Variants in SEPTIN9 observed in about 807,000 individuals in gnomAD.
The protein encoded by SEPTIN9 is septin-9.
In SEPTIN9, 13 loss-of-function variants were observed where a neutral mutation model predicts 56.6. The ratio of observed to expected loss-of-function variants is 0.23; its 90% CI spans 0.15 to 0.37. SEPTIN9 has a LOEUF of 0.37. Ranked by LOEUF, SEPTIN9 falls within the 10% of genes least tolerant of loss-of-function variation. The pLI is 1.00. For synonymous variants in SEPTIN9, 332 were observed against 334.1 expected, an observed-to-expected ratio of 0.99 and a Z score of 0.07; for missense variants, 650 against 823.1, an observed-to-expected ratio of 0.79 and a Z score of 2.57.
Position 77,434,095 on chromosome 17 carries a change from C to T in SEPTIN9, c.721+31392C>T, listed in dbSNP as rs1368943246. ...TTCTCAAAGGCCCTGGGTTTGGTGT[C>T]TGTGGGCTGGGGATCTGTGTTGGGG... On this transcript the variant is annotated intron_variant, in intron 3 of 11. Transcript: ENST00000427177. The surrounding 1 kb of genome is among the most constrained non-coding windows in gnomAD (Gnocchi z 5.0). Among the ~76,000 whole-genome samples the T allele has an allele frequency of 6.6e-6, 1 of 152,204 alleles. No homozygotes were observed. The highest frequency in any genetic ancestry group is 1.5e-5 in the Non-Finnish European group (1 of 68,044).
At chr17:77,384,595 G>C (rs955385351) in intron 2 of SEPTIN9, among the ~76,000 whole-genome samples, 1 of 151,966 alleles carries the variant, frequency 6.6e-6, no homozygotes, top group Non-Finnish European at 1.5e-5. Context: ...GAAACACTCC[G>C]GGGTGCCCAG....
At chr17:77,345,808 C>G (rs2033872198) in intron 2 of SEPTIN9, among the ~76,000 whole-genome samples, 1 of 152,114 alleles carries the variant, frequency 6.6e-6, no homozygotes, top group Non-Finnish European at 1.5e-5. Flanking sequence ...TGTATTTGGC[C>G]AAGGAGAAAG....
intron 1 of SEPTIN9, 61 bp downstream of exon 1, chr17:77,281,615 A>C (rs988487982): frequency 1.0e-5 from 15 of 1,478,504 alleles, no homozygotes; most frequent in Non-Finnish European, 1.4e-5. Context: ...TGCTCACCTG[A>C]GTGCCTGCGG....
intron 3 of SEPTIN9, among the ~76,000 whole-genome samples, chr17:77,459,619 TG>T (rs1156784429): frequency 6.6e-6 from 1 of 152,120 alleles, no homozygotes; most frequent in African/African-American, 2.4e-5. Context: ...AGCATCTGCT[TG>T]GCTTCTGGGG....
At chr17:77,365,170 A>C (rs1210278753) in intron 2 of SEPTIN9, among the ~76,000 whole-genome samples, 1 of 152,152 alleles carries the variant, frequency 6.6e-6, no homozygotes, top group Non-Finnish European at 1.5e-5. Flanking sequence ...CCACACCGCT[A>C]CATCTTCTTT....
In SEPTIN9 at chr17:77,436,500, G is replaced by T. The variant is rs919087876; in HGVS notation, c.721+33797G>T. On this transcript the variant is annotated intron_variant, in intron 3 of 11. Coordinates refer to ENST00000427177, the MANE Select transcript of SEPTIN9 (RefSeq NM_001113491.2). The surrounding 1 kb of genome is among the most constrained non-coding windows in gnomAD (Gnocchi z 4.4). ...GGCGGGGCTGGAGCCAGCGGGGTGGGGGTATCCAGCAAGAGCTCCTTCCCA... is the reference window on the plus strand; with the variant it reads ...GGCGGGGCTGGAGCCAGCGGGGTGGTGGTATCCAGCAAGAGCTCCTTCCCA... 3.3e-5 allele frequency among the ~76,000 whole-genome samples: 5 copies of T among 152,182 alleles called. No homozygotes were observed. Among genetic ancestry groups the T allele is most frequent in the Non-Finnish European group, 7.3e-5 (5 of 68,034 alleles).
At chr17:77,411,516 C>T (rs1465523395) in intron 3 of SEPTIN9, among the ~76,000 whole-genome samples, 1 of 152,012 alleles carries the variant, frequency 6.6e-6, no homozygotes, top group Non-Finnish European at 1.5e-5. Context: ...ATTCTCCTGC[C>T]TCAGCCTCCC....
chr17:77,451,298 C>A lies in SEPTIN9; in HGVS notation c.722-30846C>A. On this transcript the variant is annotated intron_variant, in intron 3 of 11. Transcript: ENST00000427177. This position sits in a 1 kb window ranked among gnomAD's most constrained non-coding sequence, Gnocchi z 4.2. ...TGCCGCTGGGCGCCCCTATCTCTGCCTGCCCCCTCCTCCTGCTCCCCTCGC... is the reference window on the plus strand; with the variant it reads ...TGCCGCTGGGCGCCCCTATCTCTGCATGCCCCCTCCTCCTGCTCCCCTCGC... The A allele has an allele frequency of 2.2e-6, 2 of 920,074 alleles. No individual in the cohort carries two copies. The highest frequency in any genetic ancestry group is 2.6e-6 in the Non-Finnish European group (2 of 770,026). 57.0% of individuals were successfully genotyped at this position (920,074 alleles called of 1,614,324 possible).
intron 1 of SEPTIN9, among the ~76,000 whole-genome samples, chr17:77,290,892 G>C (rs947273884): frequency 6.6e-6 from 1 of 151,226 alleles, no homozygotes; most frequent in African/African-American, 2.4e-5. Context: ...TTATTAAACA[G>C]GGTCTTGCTG....
Position 77,421,283 on chromosome 17 carries a change from G to A in SEPTIN9, c.721+18580G>A, listed in dbSNP as rs552721566. Among the ~76,000 whole-genome samples, 2 of 152,262 alleles carry A rather than the reference G, an allele frequency of 1.3e-5. No homozygotes were observed. Among genetic ancestry groups the A allele is most frequent in the South Asian group, 4.1e-4 (2 of 4,820 alleles). ...TCAGCTGCCCTGGATTTTGAAATAAGACACCGCCCGTCTGTGGGGTGAGCA... is the reference window on the plus strand; with the variant it reads ...TCAGCTGCCCTGGATTTTGAAATAAAACACCGCCCGTCTGTGGGGTGAGCA... On this transcript the variant is annotated intron_variant, in intron 3 of 11. Transcript: ENST00000427177. The surrounding 1 kb of genome is among the most constrained non-coding windows in gnomAD (Gnocchi z 4.6).
In SEPTIN9 at chr17:77,487,479, C is replaced by G; in HGVS notation, c.969C>G (p.Ile323Met). Reference protein sequence around the residue: ...TLINTLFKSKISRKSVQPTSE... With the variant: ...TLINTLFKSKMSRKSVQPTSE... ...TCAACACCCTCTTCAAATCCAAAATCAGCCGGAAGTCGGTGCAGCCCACCT... is the reference window on the plus strand; with the variant it reads ...TCAACACCCTCTTCAAATCCAAAATGAGCCGGAAGTCGGTGCAGCCCACCT... The change falls in exon 5 of 12, where the codon ATC becomes ATG. Residue 323 changes from isoleucine to methionine, a missense_variant. Coordinates refer to ENST00000427177, the MANE Select transcript of SEPTIN9 (RefSeq NM_001113491.2). This position sits in a 1 kb window ranked among gnomAD's most constrained non-coding sequence, Gnocchi z 4.3. The G allele has an allele frequency of 6.2e-7, 1 of 1,612,628 alleles. No homozygotes were observed. The highest frequency in any genetic ancestry group is 8.5e-7 in the Non-Finnish European group (1 of 1,179,504).
Position 77,492,808 on chromosome 17 carries a change from T to G in SEPTIN9, c.1476+92T>G. On this transcript the variant is annotated intron_variant, in intron 9 of 11. Coordinates refer to ENST00000427177, the MANE Select transcript of SEPTIN9 (RefSeq NM_001113491.2). The surrounding 1 kb of genome is among the most constrained non-coding windows in gnomAD (Gnocchi z 5.4). ...GTTTGGAGGACCTTAAGCCATGAAA[T>G]TATATTCTTGGGGCCAGAGGGCACT... 7.6e-7 allele frequency: 1 copy of G among 1,317,828 alleles called. No individual in the cohort carries two copies. Among genetic ancestry groups the G allele is most frequent in the Non-Finnish European group, 1.1e-6 (1 of 911,620 alleles). 81.6% of individuals were successfully genotyped at this position (1,317,828 alleles called of 1,614,324 possible).
intron 2 of SEPTIN9, among the ~76,000 whole-genome samples, chr17:77,355,818 TA>T (rs1253284936): frequency 6.6e-6 from 1 of 151,268 alleles, no homozygotes; most frequent in Non-Finnish European, 1.5e-5. Context: ...CCGTCTCTAC[TA>T]AAAATACAAA....
At chr17:77,404,357 G>A (rs312857) in intron 3 of SEPTIN9, among the ~76,000 whole-genome samples, 68,868 of 151,920 alleles carry the variant, frequency 0.45, 16,979 homozygotes, top group African/African-American at 0.65. Flanking sequence ...TGATTCCCCA[G>A]CCTCAGCCTC....
In SEPTIN9 at chr17:77,310,010, G is replaced by C. The variant is rs9890119; in HGVS notation, c.76+2813G>C. Among the ~76,000 whole-genome samples, 1 of 150,396 alleles carries C rather than the reference G, an allele frequency of 6.6e-6. No individual in the cohort carries two copies. The highest frequency in any genetic ancestry group is 1.5e-5 in the Non-Finnish European group (1 of 67,706). On this transcript the variant is annotated intron_variant, in intron 2 of 11. Transcript: ENST00000427177. The surrounding 1 kb of genome is among the most constrained non-coding windows in gnomAD (Gnocchi z 4.7). ...TTTTTTTTTTTTGAGATAGAGTCTC[G>C]CTCTATCGCCCAGGCTGGAGTGCAG...
chr17:77,361,659 G>A (rs1032082440), intron 2 of SEPTIN9, among the ~76,000 whole-genome samples: 5 of 150,986 alleles, frequency 3.3e-5, no homozygotes, highest in Non-Finnish European at 7.4e-5. Flanking sequence ...TTGAGATGGA[G>A]TCTCGCTCTT....
At position 77,402,224 on chromosome 17, in the gene SEPTIN9, T is replaced by A; in HGVS notation, c.242T>A (p.Leu81Gln). 1 of 1,613,420 alleles carries A rather than the reference T, an allele frequency of 6.2e-7. No homozygotes were observed. The highest frequency in any genetic ancestry group is 8.5e-7 in the Non-Finnish European group (1 of 1,179,834). ...SEPSARHVDS[L>Q]SQRSPKASLR... ...CCCTCGGCCCGCCATGTGGACTCCC[T>A]AAGCCAACGCTCCCCCAAGGCGTCC... Residue 81 changes from leucine (L) to glutamine (Q), a missense_variant, in exon 3 of 12, where the codon CTA becomes CAA. Around this residue, in one of 2 missense-constraint regions of SEPTIN9, gnomAD observed 317 missense variants for 329.1 expected, o/e 0.96. Transcript: ENST00000427177. The surrounding 1 kb of genome is among the most constrained non-coding windows in gnomAD (Gnocchi z 6.6).
chr17:77,371,057 G>A lies in SEPTIN9; in HGVS notation c.77-31002G>A, dbSNP rs2034705345. 1.3e-5 allele frequency among the ~76,000 whole-genome samples: 2 copies of A among 152,222 alleles called. No individual in the cohort carries two copies. Among genetic ancestry groups the A allele is most frequent in the Non-Finnish European group, 2.9e-5 (2 of 68,046 alleles). ...AGGAAATAAATGATGTACAATTAGA[G>A]CAGTTGGTTAGATACGAGGGTGAAC... On this transcript the variant is annotated intron_variant, in intron 2 of 11. Coordinates refer to ENST00000427177, the MANE Select transcript of SEPTIN9 (RefSeq NM_001113491.2). The surrounding 1 kb of genome is among the most constrained non-coding windows in gnomAD (Gnocchi z 4.1).
chr17:77,373,304 G>A (rs1010614756), intron 2 of SEPTIN9: 10 of 1,158,958 alleles, frequency 8.6e-6, no homozygotes, highest in Admixed American at 4.7e-5. Context: ...GGCGCAGCGC[G>A]CGGGGAGGGG....
Sources: allele counts gnomAD v4.1 joint callset (sites outside exome capture counted in the v4.1 genomes callset), GRCh38; gene constraint gnomAD v4.1.1; regional missense constraint gnomAD v4.1.1; non-coding constraint Gnocchi (gnomAD v3.1); transcripts MANE v1.5; gene names NCBI Gene and HGNC (gene_info 2026-07-23, HGNC 2026-07-21).